The following PSMD2 variants were observed in gnomAD, a reference collection of about 807,000 sequenced individuals.
The protein encoded by PSMD2 is 26S proteasome non-ATPase regulatory subunit 2.
PSMD2 carries 8 observed loss-of-function variants against 101.5 expected under a neutral mutation model. That is an observed-to-expected ratio of 0.08 (90% CI 0.05 to 0.14). The LOEUF is 0.14. PSMD2 is among the 10% of genes least tolerant of loss of function. The probability of loss-of-function intolerance (pLI) is 1.00; values close to 1 mark genes in which losing one functional copy is unlikely to be tolerated. For synonymous variants in PSMD2, 418 were observed against 433.8 expected (o/e 0.96, Z 0.45); for missense variants, 784 against 1,147.4 (o/e 0.68, Z 4.58).
intron 12 of PSMD2, among the ~76,000 whole-genome samples, chr3:184,305,462 C>T (rs1315239493): frequency 6.8e-6 from 1 of 146,884 alleles, no homozygotes; most frequent in Non-Finnish European, 1.5e-5. Flanking sequence ...GCACTCCAGC[C>T]TAGCGATAGA....
intron 6 of PSMD2, 23 bp from the exon 7 acceptor site, chr3:184,302,656 A>G: frequency 6.2e-7 from 1 of 1,614,040 alleles, no homozygotes. Flanking sequence ...AGTGATGAGC[A>G]GATGTACGGG....
chr3:184,305,171 A>AGG (rs1458166889), intron 12 of PSMD2, among the ~76,000 whole-genome samples: 51 of 152,236 alleles, frequency 3.4e-4, no homozygotes, highest in African/African-American at 1.2e-3. Context: ...CAAGTAATTC[A>AGG]ATCTCTTTAG....
intron 18 of PSMD2, 60 bp from the exon 19 acceptor site, chr3:184,307,830 G>A: frequency 4.3e-6 from 7 of 1,611,564 alleles, no homozygotes; most frequent in African/African-American, 1.3e-5. Flanking sequence ...TGTTTGGCTG[G>A]GTTAGGCGAT....
intron 4 of PSMD2, 66 bp from the exon 5 acceptor site, chr3:184,301,781 C>T (rs1426985321): frequency 6.2e-7 from 1 of 1,610,076 alleles, no homozygotes; most frequent in African/African-American, 1.3e-5. Flanking sequence ...ACGCTGGATT[C>T]CTTGACCCAC....
At chr3:184,300,638 T>A (rs1180507873) in intron 3 of PSMD2, 194 bp downstream of exon 3, 2 of 1,395,750 alleles carry the variant, frequency 1.4e-6, no homozygotes, top group East Asian at 5.3e-5. Context: ...ACTGTTTCTG[T>A]CATGTGTATT....
At chr3:184,301,705 A>C in intron 4 of PSMD2, 47 bp downstream of exon 4, 1 of 1,612,048 alleles carries the variant, frequency 6.2e-7, no homozygotes, top group Non-Finnish European at 8.5e-7. Flanking sequence ...TGAGGCTCTG[A>C]GATAATTCAG....
Position 184,302,830 on chromosome 3 carries a change from C to G in PSMD2, c.1008+7C>G. ...CTTGGCCTTAGCTCGGGAGGTGAGA[C>G]TGCCCTTTTTTCATCAAGGCCTTTT... On this transcript the variant is annotated splice_region_variant and intron_variant, in intron 7 of 20. Coordinates refer to ENST00000310118, the MANE Select transcript of PSMD2 (RefSeq NM_002808.5). 3.1e-6 allele frequency: 5 copies of G among 1,614,138 alleles called. No individual in the cohort carries two copies. The highest frequency in any genetic ancestry group is 4.2e-6 in the Non-Finnish European group (5 of 1,180,012).
chr3:184,302,293 T>G, intron 5 of PSMD2, 77 bp from the exon 6 acceptor site: 2 of 1,397,770 alleles, frequency 1.4e-6, no homozygotes, highest in Admixed American at 4.7e-5. Flanking sequence ...ATTTATTATT[T>G]ATTTTGGGTA....
chr3:184,299,599 C>A, intron 1 of PSMD2, 198 bp downstream of exon 1: 2 of 789,864 alleles, frequency 2.5e-6, no homozygotes, highest in Non-Finnish European at 3.8e-6. Flanking sequence ...TCCCCACCAA[C>A]CCTCACCACC....
intron 5 of PSMD2, 45 bp downstream of exon 5, chr3:184,302,116 G>A (rs1721665979): frequency 6.3e-7 from 1 of 1,577,854 alleles, no homozygotes; most frequent in Admixed American, 1.7e-5. Context: ...GCCCTCCTCA[G>A]CACCTCTCTC....
At chr3:184,299,774 C>T (rs1325477346) in intron 1 of PSMD2, 77 bp from the exon 2 acceptor site, 13 of 1,248,826 alleles carry the variant, frequency 1.0e-5, no homozygotes, top group Non-Finnish European at 1.3e-5. Flanking sequence ...GCTTATTCTT[C>T]ACCTGCCCCG....
chr3:184,303,080 T>G lies in PSMD2; in HGVS notation c.1069+18T>G, dbSNP rs1721702595. 1 of 1,611,090 alleles carries G rather than the reference T, an allele frequency of 6.2e-7. No individual in the cohort carries two copies. On this transcript the variant is annotated intron_variant, in intron 8 of 20. Transcript: ENST00000310118. ...GAACAACAGTGAGTAGCCCTCTCTG[T>G]GTATGGGATTTGGGGGATTGTAGGT...
chr3:184,301,479 C>T (rs1721641099), intron 3 of PSMD2, 58 bp from the exon 4 acceptor site: 2 of 1,596,766 alleles, frequency 1.3e-6, no homozygotes, highest in African/African-American at 1.3e-5. Flanking sequence ...TTCCACAATG[C>T]ATGCTCCCTT....
intron 3 of PSMD2, 58 bp downstream of exon 3, chr3:184,300,502 C>T (rs958991369): frequency 1.3e-6 from 2 of 1,569,700 alleles, no homozygotes; most frequent in African/African-American, 1.4e-5. Context: ...TTACCCAGAT[C>T]ATGGGGGGAC....
intron 3 of PSMD2, 152 bp downstream of exon 3, chr3:184,300,596 G>C: frequency 7.0e-7 from 1 of 1,423,006 alleles, no homozygotes; most frequent in Admixed American, 3.1e-5. Context: ...ATCTACAGAA[G>C]AGCTGAAAGG....
chr3:184,300,618 C>T (rs952381931), intron 3 of PSMD2, 174 bp downstream of exon 3: 2 of 1,409,644 alleles, frequency 1.4e-6, no homozygotes, highest in African/African-American at 2.9e-5. Flanking sequence ...AGGTCAGCTT[C>T]TCAGAAGACA....
Position 184,308,847 on chromosome 3 carries a change from A to C in PSMD2, c.2684A>C (p.Glu895Ala). 3 of 1,612,776 alleles carry C rather than the reference A, an allele frequency of 1.9e-6. No homozygotes were observed. Among genetic ancestry groups the C allele is most frequent in the Non-Finnish European group, 2.5e-6 (3 of 1,180,034 alleles). The change falls in exon 21 of 21, where the codon GAA becomes GCA. Residue 895 changes from glutamate to alanine, a missense_variant. Around this residue, in one of 6 missense-constraint regions of PSMD2, gnomAD observed 33 missense variants for 38.2 expected, o/e 0.86. Transcript: ENST00000310118. This position sits in a 1 kb window ranked among gnomAD's most constrained non-coding sequence, Gnocchi z 6.0. ...TTTCTTCCTGTTACCCCCATTCTGGAAGGTTTTGTTATCCTTCGGAAGAAC... is the reference window on the plus strand; with the variant it reads ...TTTCTTCCTGTTACCCCCATTCTGGCAGGTTTTGTTATCCTTCGGAAGAAC... ...EEFLPVTPIL[E>A]GFVILRKNPN...
Position 184,304,447 on chromosome 3 carries a change from C to T in PSMD2, c.1539+56C>T. On this transcript the variant is annotated intron_variant, in intron 12 of 20. Coordinates refer to ENST00000310118, the MANE Select transcript of PSMD2 (RefSeq NM_002808.5). The surrounding 1 kb of genome is among the most constrained non-coding windows in gnomAD (Gnocchi z 4.1). Reference sequence around the variant, plus strand: ...AGTAGGGAAGGTGCTTTGAGTCTTACTTTCTGTGATAAATAATGAAAAAGA... The same window carrying T: ...AGTAGGGAAGGTGCTTTGAGTCTTATTTTCTGTGATAAATAATGAAAAAGA... The T allele has an allele frequency of 6.6e-7, 1 of 1,517,142 alleles. No individual in the cohort carries two copies. The highest frequency in any genetic ancestry group is 9.2e-7 in the Non-Finnish European group (1 of 1,092,090). The allele number at this position is 1,517,142 out of a possible 1,614,324, so 94.0% of individuals were successfully genotyped here.
chr3:184,301,804 C>T, intron 4 of PSMD2, 43 bp from the exon 5 acceptor site: 1 of 1,612,782 alleles, frequency 6.2e-7, no homozygotes, highest in Non-Finnish European at 8.5e-7. Flanking sequence ...AGAAGTGCTT[C>T]CCCTGAAGCT....
Sources: allele counts gnomAD v4.1 joint callset (sites outside exome capture counted in the v4.1 genomes callset), GRCh38; gene constraint gnomAD v4.1.1; regional missense constraint gnomAD v4.1.1; non-coding constraint Gnocchi (gnomAD v3.1); transcripts MANE v1.5; gene names NCBI Gene and HGNC (gene_info 2026-07-23, HGNC 2026-07-21).